Variants in MCRS1 observed in about 807,000 individuals in gnomAD.
MCRS1 encodes the protein 58 kDa microspherule protein.
MCRS1 carries 22 observed loss-of-function variants against 62.9 expected under a neutral mutation model. The ratio of observed to expected loss-of-function variants is 0.35; its 90% CI spans 0.25 to 0.50. The LOEUF is 0.50. Ranked by LOEUF, MCRS1 falls within the 20% of genes least tolerant of loss-of-function variation. MCRS1 has a pLI of 0.98. For missense variants in MCRS1, 456 were observed against 601.1 expected (o/e 0.76, Z 2.52); for synonymous variants, 244 against 233.5 (o/e 1.04, Z -0.41).
At chr12:49,563,891 G>GTATAT (rs1938909046) in intron 6 of MCRS1, among the ~76,000 whole-genome samples, 1 of 152,206 alleles carries the variant, frequency 6.6e-6, no homozygotes, top group Admixed American at 6.5e-5. Flanking sequence ...TCCAAGCTGA[G>GTATAT]CCCAGCCCAT....
At chr12:49,563,669 T>A in intron 6 of MCRS1, 123 bp from the exon 7 acceptor site, 2 of 678,290 alleles carry the variant, frequency 2.9e-6, no homozygotes, top group Non-Finnish European at 5.0e-6. Flanking sequence ...AGGCCCTCAT[T>A]AGGAAGGGCC....
Position 49,564,798 on chromosome 12 carries a change from G to A in MCRS1, c.386C>T (p.Thr129Ile). Residue 129 changes from threonine (T) to isoleucine (I), a missense_variant, in exon 5 of 15, where the codon ACC becomes ATC. Coordinates refer to ENST00000343810, the MANE Select transcript of MCRS1 (RefSeq NM_006337.5). ...VKKSKQPLQVTKDLGRWKPAD... is the reference protein window; with the variant it reads ...VKKSKQPLQVIKDLGRWKPAD... The stretch of plus-strand genomic sequence containing the variant: ...AGGCTTCCAGCGGCCCAGATCCTTG[G>A]TCACCTGAAGTGGCTGTTTACTCTT... 1.2e-6 allele frequency: 2 copies of A among 1,614,116 alleles called. No individual in the cohort carries two copies. The highest frequency in any genetic ancestry group is 4.5e-5 in the East Asian group (2 of 44,882).
intron 1 of MCRS1, 91 bp downstream of exon 1, chr12:49,567,957 G>C (rs909426316): frequency 1.3e-5 from 2 of 152,188 alleles, no homozygotes; most frequent in Admixed American, 6.5e-5. Flanking sequence ...CCCCAAACTT[G>C]GGGGGTGGTC....
chr12:49,560,243 G>A, intron 9 of MCRS1, 52 bp downstream of exon 9: 1 of 1,584,910 alleles, frequency 6.3e-7, no homozygotes, highest in Admixed American at 1.7e-5. Context: ...CGCTCTACCT[G>A]ACAGGAGTGA....
rs765100311 is a variant in MCRS1, at chr12:49,563,432, C to G, written c.666+6G>C. 1.2e-6 allele frequency: 2 copies of G among 1,610,468 alleles called. No individual in the cohort carries two copies. Among genetic ancestry groups the G allele is most frequent in the South Asian group, 2.2e-5 (2 of 90,426 alleles). ...GATCCTCCACCTTCCCAGCCCTCAG[C>G]CTTACCGATCCCACTTTGCTCAGCA... On this transcript the variant is annotated splice_donor_region_variant and intron_variant, in intron 7 of 14. Transcript: ENST00000343810.
At chr12:49,561,623 ACTTT>A (rs1320944929) in intron 8 of MCRS1, among the ~76,000 whole-genome samples, 10 of 152,338 alleles carry the variant, frequency 6.6e-5, no homozygotes, top group South Asian at 2.1e-4. Flanking sequence ...ACACAAAATA[ACTTT>A]CTTTTCTTTT....
rs1938627971 is a variant in MCRS1, at chr12:49,559,357, A to T, written c.1087-56T>A. 1 of 1,605,742 alleles carries T rather than the reference A, an allele frequency of 6.2e-7. No homozygotes were observed. Among genetic ancestry groups the T allele is most frequent in the African/African-American group, 1.3e-5 (1 of 74,782 alleles). On this transcript the variant is annotated intron_variant, in intron 12 of 14. Transcript: ENST00000343810. This position sits in a 1 kb window ranked among gnomAD's most constrained non-coding sequence, Gnocchi z 5.2. ...CCTGAAGAATTGGGGGAGTAGGTCT[A>T]TGCAGGCCAGAGAAAGATGGGAAAC...
Position 49,558,400 on chromosome 12 carries a change from G to C in MCRS1, c.*243C>G. 1 of 541,038 alleles carries C rather than the reference G, an allele frequency of 1.8e-6. No homozygotes were observed. The highest frequency in any genetic ancestry group is 3.4e-5 in the Admixed American group (1 of 29,738). The allele number at this position is 541,038 out of a possible 1,614,324, so 33.5% of individuals were successfully genotyped here. The stretch of plus-strand genomic sequence containing the variant: ...ACAGGAGTGAAGGTGGCAATGGGGG[G>C]TAGGGTTGTTTTTAGAGAGAGGAAG... On this transcript the variant is annotated 3_prime_UTR_variant, in exon 15 of 15. Coordinates refer to ENST00000343810, the MANE Select transcript of MCRS1 (RefSeq NM_006337.5).
intron 8 of MCRS1, among the ~76,000 whole-genome samples, chr12:49,561,143 T>C (rs1422571564): frequency 2.6e-5 from 4 of 152,174 alleles, no homozygotes; most frequent in Admixed American, 2.6e-4. Context: ...GAGGATCTCT[T>C]GAGCTGAGAA....
intron 2 of MCRS1, 164 bp downstream of exon 2, chr12:49,566,558 A>G (rs915937203): frequency 6.8e-7 from 1 of 1,477,498 alleles, no homozygotes; most frequent in East Asian, 2.5e-5. Context: ...CTCAACAGCA[A>G]GTCAGTCAAC....
chr12:49,566,567 A>G, intron 2 of MCRS1, 155 bp downstream of exon 2: 1 of 1,476,532 alleles, frequency 6.8e-7, no homozygotes, highest in Non-Finnish European at 9.3e-7. Flanking sequence ...AAGTCAGTCA[A>G]CTGTGGCTCT....
chr12:49,567,021 G>A (rs1315138849), intron 1 of MCRS1, among the ~76,000 whole-genome samples, 180 bp from the exon 2 acceptor site: 1 of 152,324 alleles, frequency 6.6e-6, no homozygotes, highest in African/African-American at 2.4e-5. Context: ...GAAGGTCACT[G>A]GCACCTTTCA....
In MCRS1 at chr12:49,559,103, G is replaced by C; in HGVS notation, c.1174+111C>G. The C allele has an allele frequency of 6.5e-7, 1 of 1,530,286 alleles. No individual in the cohort carries two copies. The highest frequency in any genetic ancestry group is 9.0e-7 in the Non-Finnish European group (1 of 1,114,202). The allele number at this position is 1,530,286 out of a possible 1,614,324, so 94.8% of individuals were successfully genotyped here. A position where few individuals can be genotyped will look rare whatever the true frequency, so the allele number is the denominator to read the frequency against. On this transcript the variant is annotated intron_variant, in intron 13 of 14. Transcript: ENST00000343810. This position sits in a 1 kb window ranked among gnomAD's most constrained non-coding sequence, Gnocchi z 5.2. The stretch of plus-strand genomic sequence containing the variant: ...AGACACCAAGGAATCCCTGCCTCAG[G>C]TGGTCCACGAGGGTCCCCATGGACA...
At chr12:49,566,561 C>A in intron 2 of MCRS1, 161 bp downstream of exon 2, 3 of 1,477,542 alleles carry the variant, frequency 2.0e-6, no homozygotes, top group South Asian at 2.4e-5. Flanking sequence ...AACAGCAAGT[C>A]AGTCAACTGT....
At chr12:49,558,777 A>G (rs752941189) in intron 14 of MCRS1, 48 bp from the exon 15 acceptor site, 1 of 1,613,580 alleles carries the variant, frequency 6.2e-7, no homozygotes, top group Admixed American at 1.7e-5. Context: ...CACCAGGACC[A>G]AGTTGGTGTA....
At chr12:49,561,893 C>T (rs1800232060) in intron 8 of MCRS1, among the ~76,000 whole-genome samples, 1 of 152,250 alleles carries the variant, frequency 6.6e-6, no homozygotes, top group Non-Finnish European at 1.5e-5. Flanking sequence ...GCTGGGATTA[C>T]AGGCGTGAGC....
Position 49,560,320 on chromosome 12 carries a change from C to T in MCRS1, c.856G>A (p.Asp286Asn), listed in dbSNP as rs978856250. ...DQVLNFSDAEDLIDDSKLKDM... is the reference protein window; with the variant it reads ...DQVLNFSDAENLIDDSKLKDM... ...TTGAGCTTACTGTCATCAATCAGGTCCTCTGCATCAGAGAAGTTCAGCACT... is the reference window on the plus strand; with the variant it reads ...TTGAGCTTACTGTCATCAATCAGGTTCTCTGCATCAGAGAAGTTCAGCACT... The change falls in exon 9 of 15, where the codon GAC becomes AAC. Residue 286 changes from aspartate (D) to asparagine (N), a missense_variant. By Grantham distance (23) the Asp-to-Asn change is conservative (BLOSUM62 1). Transcript: ENST00000343810. 4 of 1,614,232 alleles carry T rather than the reference C, an allele frequency of 2.5e-6. No homozygotes were observed. The Admixed American group carries it at 5.0e-5, about 20-fold the overall frequency.
chr12:49,566,977 C>A, intron 1 of MCRS1, 136 bp from the exon 2 acceptor site: 1 of 570,250 alleles, frequency 1.8e-6, no homozygotes, highest in Non-Finnish European at 3.1e-6. Context: ...TAAGGCCCCA[C>A]TCTGCCAATA....
chr12:49,562,763 G>A (rs1938836451), intron 8 of MCRS1, among the ~76,000 whole-genome samples: 1 of 152,182 alleles, frequency 6.6e-6, no homozygotes, highest in Admixed American at 6.5e-5. Context: ...TCCGCTATTT[G>A]GACCTTTTGC....
Sources: allele counts gnomAD v4.1 joint callset (sites outside exome capture counted in the v4.1 genomes callset), GRCh38; gene constraint gnomAD v4.1.1; non-coding constraint Gnocchi (gnomAD v3.1); transcripts MANE v1.5; gene names NCBI Gene and HGNC (gene_info 2026-07-23, HGNC 2026-07-21).